Variants in SLC27A1 observed in about 807,000 individuals in gnomAD.
The protein encoded by SLC27A1 is solute carrier family 27 member 1, also known as long-chain fatty acid transport protein 1.
Under a neutral mutation model 62.2 loss-of-function variants are expected in SLC27A1, and 61 were observed. That is an observed-to-expected ratio of 0.98 (90% confidence interval 0.80 to 1.21). SLC27A1 has a LOEUF of 1.21. Ranked by LOEUF, SLC27A1 falls within the 50% of genes most tolerant of loss-of-function variation. SLC27A1 has a pLI of 0.00. For synonymous variants in SLC27A1, 435 were observed against 408.6 expected (o/e 1.06, Z -0.78); for missense variants, 903 against 932.1 (o/e 0.97, Z 0.41).
At position 17,488,846 on chromosome 19, in the gene SLC27A1, A is replaced by G; in HGVS notation, c.795-2A>G. 6.2e-7 allele frequency: 1 copy of G among 1,613,200 alleles called. No individual in the cohort carries two copies. The highest frequency in any genetic ancestry group is 8.5e-7 in the Non-Finnish European group (1 of 1,179,814). On this transcript the variant is annotated splice_acceptor_variant, in intron 4 of 11. Coordinates refer to ENST00000252595, the MANE Select transcript of SLC27A1 (RefSeq NM_198580.3). LOFTEE classifies it high-confidence loss of function. ...CCCTCCCGGCTCCCCCTCCCCCTGC[A>G]GGTACTACCGCATGGCAGCCTTCGG...
chr19:17,500,501 C>G lies in SLC27A1; in HGVS notation c.1340C>G (p.Pro447Arg), dbSNP rs770875538. Reference protein sequence around the residue: ...GLCIPCQAGEPGLLVGQINQQ... With the variant: ...GLCIPCQAGERGLLVGQINQQ... ...AACATGGCCTTCTCCCTAGGGGAGC[C>G]TGGCCTCCTTGTGGGTCAGATCAAC... Residue 447 changes from proline to arginine, a missense_variant, in exon 9 of 12, where the codon CCT (proline) becomes CGT (arginine). By Grantham distance (103) the Pro-to-Arg change is moderately radical (BLOSUM62 -2). Transcript: ENST00000252595. 2.5e-6 allele frequency: 4 copies of G among 1,613,714 alleles called. No homozygotes were observed. The highest frequency in any genetic ancestry group is 3.4e-6 in the Non-Finnish European group (4 of 1,179,854).
intron 1 of SLC27A1, among the ~76,000 whole-genome samples, chr19:17,481,708 G>A (rs1276385090): frequency 6.6e-6 from 1 of 152,108 alleles, no homozygotes; most frequent in Non-Finnish European, 1.5e-5. Flanking sequence ...TCACCATGTT[G>A]CCCAGGCTGG....
chr19:17,487,716 T>C (rs905095412), intron 4 of SLC27A1, among the ~76,000 whole-genome samples, 187 bp downstream of exon 4: 4 of 152,192 alleles, frequency 2.6e-5, no homozygotes, highest in South Asian at 2.1e-4. Flanking sequence ...TGTAAACTCA[T>C]TGCAACCCTC....
At chr19:17,493,188 CT>C (rs1433983255) in intron 6 of SLC27A1, among the ~76,000 whole-genome samples, 1 of 151,326 alleles carries the variant, frequency 6.6e-6, no homozygotes, top group Non-Finnish European at 1.5e-5. Context: ...AATCCCAGCA[CT>C]TTGGGAAGTC....
At chr19:17,477,239 G>GTTTTTTTTTTT (rs1368216587) in intron 1 of SLC27A1, among the ~76,000 whole-genome samples, 3 of 49,052 alleles carry the variant, frequency 6.1e-5, no homozygotes, top group Non-Finnish European at 1.3e-4. Context: ...GATGAGCAGC[G>GTTTTTTTTTTT]CTTTTTTTTT....
intron 6 of SLC27A1, 132 bp from the exon 7 acceptor site, chr19:17,497,121 AGC>A (rs1335772851): frequency 1.3e-5 from 8 of 626,750 alleles, no homozygotes; most frequent in South Asian, 4.3e-5. Flanking sequence ...ACGATTCTGC[AGC>A]CATCATCATC....
chr19:17,477,469 C>T (rs1026809650), intron 1 of SLC27A1, among the ~76,000 whole-genome samples: 8 of 151,306 alleles, frequency 5.3e-5, no homozygotes, highest in African/African-American at 1.9e-4. Flanking sequence ...GTCTCAAACT[C>T]CTGACCTCAG....
intron 1 of SLC27A1, among the ~76,000 whole-genome samples, chr19:17,471,075 C>T (rs1357636168): frequency 7.3e-6 from 1 of 137,732 alleles, no homozygotes; most frequent in Admixed American, 7.7e-5. Context: ...AAATCCGTGG[C>T]GGTGTGGGGG....
chr19:17,497,156 A>G (rs1009663964), intron 6 of SLC27A1, 99 bp from the exon 7 acceptor site: 14 of 899,708 alleles, frequency 1.6e-5, no homozygotes, highest in African/African-American at 3.5e-5. Flanking sequence ...CGCTCATAGG[A>G]TTAGCTCCCT....
In SLC27A1 at chr19:17,502,535, G is replaced by C. The variant is rs140494284; in HGVS notation, c.1783+1116G>C. On this transcript the variant is annotated intron_variant, in intron 11 of 11. Coordinates refer to ENST00000252595, the MANE Select transcript of SLC27A1 (RefSeq NM_198580.3). The stretch of plus-strand genomic sequence containing the variant: ...CCCAGCTAATTTTTTTGTATTTTTA[G>C]TAGAGATCGAGTTTTACCATATTGG... Among the ~76,000 whole-genome samples, 453 of 150,804 alleles carry C rather than the reference G, an allele frequency of 3.0e-3. 2 individuals carry two copies. The highest frequency in any genetic ancestry group is 0.01 in the African/African-American group (429 of 41,012).
Position 17,486,556 on chromosome 19 carries a change from C to T in SLC27A1, c.168-7C>T. The T allele has an allele frequency of 4.5e-6, 7 of 1,571,626 alleles. No individual in the cohort carries two copies. Among genetic ancestry groups the T allele is most frequent in the Non-Finnish European group, 6.0e-6 (7 of 1,166,022 alleles). Reference sequence around the variant, plus strand: ...AGTGACGCTGTCCCCTCCGTCCTCCCTCCCAGCGGTCTCTCTGTGCTGATC... The same window carrying T: ...AGTGACGCTGTCCCCTCCGTCCTCCTTCCCAGCGGTCTCTCTGTGCTGATC... On this transcript the variant is annotated splice_polypyrimidine_tract_variant and splice_region_variant and intron_variant, in intron 1 of 11. Coordinates refer to ENST00000252595, the MANE Select transcript of SLC27A1 (RefSeq NM_198580.3). The surrounding 1 kb of genome is among the most constrained non-coding windows in gnomAD (Gnocchi z 6.6).
Position 17,500,798 on chromosome 19 carries a change from T to G in SLC27A1, c.1558T>G (p.Ser520Ala). 1.2e-6 allele frequency: 2 copies of G among 1,612,312 alleles called. No homozygotes were observed. Among genetic ancestry groups the G allele is most frequent in the African/African-American group, 2.7e-5 (2 of 74,972 alleles). ...CTTCCGCTGGCGAGGGGAGAACGTC[T>G]CCACCACCGAGGTGGAGGGCGTGCT... is the stretch of plus-strand genomic sequence containing the variant. ...DTFRWRGENV[S>A]TTEVEGVLSR... is the part of the protein sequence containing the mutation. Residue 520 changes from serine to alanine, a missense_variant, in exon 10 of 12, where the codon TCC (serine) becomes GCC (alanine). Transcript: ENST00000252595.
In SLC27A1 at chr19:17,492,630, A is replaced by G. The variant is rs539417126; in HGVS notation, c.996+3513A>G. On this transcript the variant is annotated intron_variant, in intron 6 of 11. Coordinates refer to ENST00000252595, the MANE Select transcript of SLC27A1 (RefSeq NM_198580.3). The stretch of plus-strand genomic sequence containing the variant: ...AGACTCCATCTCAAAAAAAAAAAAA[A>G]AAAAAGAAAAAGAAATAGAGGACGG... Among the ~76,000 whole-genome samples, 273 of 149,236 alleles carry G rather than the reference A, an allele frequency of 1.8e-3. 1 individual carries two copies. The highest frequency in any genetic ancestry group is 6.4e-3 in the African/African-American group (256 of 40,154).
chr19:17,475,087 G>C (rs987245290), intron 1 of SLC27A1, among the ~76,000 whole-genome samples: 2 of 151,998 alleles, frequency 1.3e-5, no homozygotes, highest in African/African-American at 4.8e-5. Context: ...GATAATTTTT[G>C]TATTTTTAGT....
In SLC27A1 at chr19:17,497,202, G is replaced by A. The variant is rs1018085884; in HGVS notation, c.997-53G>A. The A allele has an allele frequency of 4.0e-6, 6 of 1,491,590 alleles. No individual in the cohort carries two copies. In the East Asian group the frequency reaches 7.5e-5, roughly 19 times the overall value. 92.4% of individuals were successfully genotyped at this position (1,491,590 alleles called of 1,614,324 possible). On this transcript the variant is annotated intron_variant, in intron 6 of 11. Transcript: ENST00000252595. ...GTCTCGGGGTCTCTCCTCTGATCCG[G>A]GCTCCCCACCGCCTGCCGGTCCCAT...
rs547165964 is a variant in SLC27A1, at chr19:17,490,726, C to T, written c.996+1609C>T. On this transcript the variant is annotated intron_variant, in intron 6 of 11. Coordinates refer to ENST00000252595, the MANE Select transcript of SLC27A1 (RefSeq NM_198580.3). ...TAAAGTGAAATTCATATAAATTAGC[C>T]ATATTAAAGTGAAAAATTTGGCCAG... is the stretch of plus-strand genomic sequence containing the variant. Among the ~76,000 whole-genome samples the T allele has an allele frequency of 4.6e-5, 7 of 152,096 alleles. No individual in the cohort carries two copies. The East Asian group carries it at 1.4e-3, about 29-fold the overall frequency.
chr19:17,489,045 G>A lies in SLC27A1; in HGVS notation c.924G>A (p.Gly308=), dbSNP rs1210349683. 3.7e-6 allele frequency: 6 copies of A among 1,614,114 alleles called. No homozygotes were observed. Among genetic ancestry groups the A allele is most frequent in the Non-Finnish European group, 8.5e-7 (1 of 1,180,016 alleles). ...GCGTGGGGCAGTGTCTCATCTATGG[G>A]CTGACAGTCGTCCTCCGCAAGAAAT... is the stretch of plus-strand genomic sequence containing the variant. The part of the protein sequence containing the change: ...IIGVGQCLIY[G]LTVVLRKKFS... Residue 308 remains glycine (G), a synonymous_variant, in exon 6 of 12, where the codon GGG becomes GGA. Transcript: ENST00000252595.
chr19:17,503,168 C>T (rs185216282), intron 11 of SLC27A1, among the ~76,000 whole-genome samples: 110 of 152,264 alleles, frequency 7.2e-4, no homozygotes, highest in Admixed American at 1.3e-3. Context: ...ATTCAACTAC[C>T]TCCCACCGGG....
At chr19:17,492,935 C>T (rs559313330) in intron 6 of SLC27A1, among the ~76,000 whole-genome samples, 28 of 149,898 alleles carry the variant, frequency 1.9e-4, no homozygotes, top group East Asian at 1.8e-3. Flanking sequence ...AGCGAAACTC[C>T]GTCTTAAAAA....
Sources: gnomAD v4.1 joint callset for allele counts (sites outside exome capture counted in the v4.1 genomes callset) on GRCh38, gnomAD v4.1.1 for gene constraint, Gnocchi (gnomAD v3.1) non-coding constraint, MANE v1.5 for transcripts, NCBI Gene and HGNC (gene_info 2026-07-23, HGNC 2026-07-21) for gene names.